CNTN6: variants seen among roughly 807,000 people sequenced by gnomAD.
The protein encoded by CNTN6 is contactin-6.
CNTN6 carries 137 observed loss-of-function variants against 122.8 expected under a neutral mutation model. The observed-to-expected ratio is 1.12, with a 90% CI of 0.97 to 1.29. The LOEUF (loss-of-function observed/expected upper bound fraction) is 1.29, where lower values mean the gene tolerates loss of function less well. Ranked by LOEUF, CNTN6 falls within the 50% of genes most tolerant of loss-of-function variation. The pLI is 0.00. For missense variants in CNTN6, 1,634 were observed against 1,223.4 expected (o/e 1.34, Z -5.01); for synonymous variants, 570 against 426.0 (o/e 1.34, Z -4.16).
chr3:1,099,429 T>A (rs536357393), intron 1 of CNTN6, among the ~76,000 whole-genome samples: 92 of 152,278 alleles, frequency 6.0e-4, no homozygotes, highest in African/African-American at 1.9e-3. Context: ...CCAGCCTGGG[T>A]GACAGAGCCA....
chr3:1,103,617 G>A (rs9826295), intron 1 of CNTN6, among the ~76,000 whole-genome samples: 19,074 of 152,148 alleles, frequency 0.13, 4,016 homozygotes, highest in African/African-American at 0.44. Flanking sequence ...GAGTTTAAAG[G>A]AAAATAATCT....
intron 2 of CNTN6, among the ~76,000 whole-genome samples, chr3:1,158,782 G>GTGTA (rs1553610504): frequency 2.2e-5 from 1 of 46,432 alleles, no homozygotes; most frequent in East Asian, 6.7e-4. Context: ...ATATATGTGT[G>GTGTA]TATATATGTG....
At chr3:1,376,900 T>C in intron 16 of CNTN6, 105 bp from the exon 17 acceptor site, 1 of 713,644 alleles carries the variant, frequency 1.4e-6, no homozygotes, top group South Asian at 1.8e-5. Flanking sequence ...TCTCTCACAG[T>C]ATGCCTGTGT....
At position 1,403,499 on chromosome 3, in the gene CNTN6, G is replaced by A; in HGVS notation, c.*81G>A. 1 of 804,340 alleles carries A rather than the reference G, an allele frequency of 1.2e-6. No homozygotes were observed. The highest frequency in any genetic ancestry group is 2.6e-5 in the East Asian group (1 of 38,430). 49.8% of individuals were successfully genotyped at this position (804,340 alleles called of 1,614,324 possible). On this transcript the variant is annotated 3_prime_UTR_variant, in exon 23 of 23. Coordinates refer to ENST00000446702, the MANE Select transcript of CNTN6 (RefSeq NM_001289080.2). Reference sequence around the variant, plus strand: ...TGCTCTCCAGCCTCTGACACAAGATGCGTTCTTAATACAGACTTGTTTGCA... The same window carrying A: ...TGCTCTCCAGCCTCTGACACAAGATACGTTCTTAATACAGACTTGTTTGCA...
chr3:1,372,888 A>T lies in CNTN6; in HGVS notation c.1719A>T (p.Gly573=). ...MIRNIQLHHS[G]KYLCTVQTTL... ...GGAATATTCAGTTACATCATTCAGG[A>T]AAATATCTCTGCACAGTACAAACAA... Residue 573 remains glycine (G), a synonymous_variant, in exon 14 of 23, where the codon GGA becomes GGT. Coordinates refer to ENST00000446702, the MANE Select transcript of CNTN6 (RefSeq NM_001289080.2). 6.2e-7 allele frequency: 1 copy of T among 1,610,662 alleles called. No homozygotes were observed. The highest frequency in any genetic ancestry group is 1.7e-4 in the Middle Eastern group (1 of 6,052).
chr3:1,310,203 C>T (rs1242108357), intron 7 of CNTN6, among the ~76,000 whole-genome samples: 1 of 151,998 alleles, frequency 6.6e-6, no homozygotes, highest in Non-Finnish European at 1.5e-5. Context: ...TTCCGCTATC[C>T]AAAATGAAAG....
intron 4 of CNTN6, among the ~76,000 whole-genome samples, chr3:1,237,988 G>A (rs1191260287): frequency 1.8e-4 from 26 of 147,746 alleles, no homozygotes; most frequent in African/African-American, 6.2e-4. Flanking sequence ...ATAACACAAT[G>A]TTTAAAAAAA....
At chr3:1,397,834 T>C (rs187482359) in intron 20 of CNTN6, among the ~76,000 whole-genome samples, 3 of 152,292 alleles carry the variant, frequency 2.0e-5, no homozygotes, top group African/African-American at 7.2e-5. Context: ...CTTGCACTTA[T>C]GTTCTTTCTC....
intron 4 of CNTN6, 142 bp downstream of exon 4, chr3:1,228,135 T>C (rs892266288): frequency 1.4e-6 from 1 of 704,448 alleles, no homozygotes; most frequent in East Asian, 2.7e-5. Flanking sequence ...GTTCATTTTG[T>C]GAATCTAGAT....
At chr3:1,266,743 T>C (rs974398743) in intron 4 of CNTN6, among the ~76,000 whole-genome samples, 6 of 152,116 alleles carry the variant, frequency 3.9e-5, no homozygotes, top group African/African-American at 1.4e-4. Flanking sequence ...GAAATCACTC[T>C]CCTTTACTCT....
rs138691345 is a variant in CNTN6, at chr3:1,337,953, C to T, written c.1364+8018C>T. ...ACTGATCTGGGGCACTCACCTTTCA[C>T]ACAGTGCCTGCAGAACCACCCAGAT... On this transcript the variant is annotated intron_variant, in intron 11 of 22. Coordinates refer to ENST00000446702, the MANE Select transcript of CNTN6 (RefSeq NM_001289080.2). 8.2e-4 allele frequency among the ~76,000 whole-genome samples: 125 copies of T among 152,204 alleles called. 1 individual carries two copies. The highest frequency in any genetic ancestry group is 2.8e-3 in the African/African-American group (117 of 41,536).
At chr3:1,227,677 A>T in intron 3 of CNTN6, 141 bp from the exon 4 acceptor site, 1 of 847,290 alleles carries the variant, frequency 1.2e-6, no homozygotes, top group Non-Finnish European at 1.8e-6. Context: ...TACCTTTGGT[A>T]AAACTGGTAG....
intron 2 of CNTN6, among the ~76,000 whole-genome samples, chr3:1,210,544 C>T (rs1221684575): frequency 1.3e-5 from 2 of 152,058 alleles, no homozygotes. Flanking sequence ...AAGGTAGAAG[C>T]TTGGTAATAG....
intron 1 of CNTN6, among the ~76,000 whole-genome samples, chr3:1,138,482 CTTTA>C (rs977099223): frequency 1.3e-5 from 2 of 151,912 alleles, no homozygotes; most frequent in African/African-American, 2.4e-5. Flanking sequence ...TAAATACCAT[CTTTA>C]TTTATTTACT....
intron 20 of CNTN6, among the ~76,000 whole-genome samples, chr3:1,387,594 C>T (rs1203457556): frequency 6.6e-6 from 1 of 152,152 alleles, no homozygotes; most frequent in Non-Finnish European, 1.5e-5. Context: ...ATAGGAACAG[C>T]TCCGGTCTAC....
At chr3:1,244,407 T>A (rs1390973691) in intron 4 of CNTN6, among the ~76,000 whole-genome samples, 2 of 130,710 alleles carry the variant, frequency 1.5e-5, no homozygotes, top group Admixed American at 1.5e-4. Context: ...AAAGCGGGAC[T>A]TGCCGCTGAG....
At chr3:1,148,857 A>G (rs1462967787) in intron 2 of CNTN6, among the ~76,000 whole-genome samples, 1 of 152,138 alleles carries the variant, frequency 6.6e-6, no homozygotes, top group South Asian at 2.1e-4. Flanking sequence ...AACTGAGACA[A>G]CTGTGCTGCC....
At chr3:1,198,087 G>A (rs2093804708) in intron 2 of CNTN6, among the ~76,000 whole-genome samples, 1 of 152,120 alleles carries the variant, frequency 6.6e-6, no homozygotes, top group Non-Finnish European at 1.5e-5. Context: ...AGATGCTGGA[G>A]GGCAGAAAAT....
At chr3:1,358,389 A>G (rs1424268875) in intron 12 of CNTN6, among the ~76,000 whole-genome samples, 1 of 151,838 alleles carries the variant, frequency 6.6e-6, no homozygotes, top group Non-Finnish European at 1.5e-5. Flanking sequence ...AAAAGAAGCA[A>G]TTAGGCTACT....
Sources: allele counts gnomAD v4.1 joint callset (sites outside exome capture counted in the v4.1 genomes callset), GRCh38; gene constraint gnomAD v4.1.1; transcripts MANE v1.5; gene names NCBI Gene and HGNC (gene_info 2026-07-23, HGNC 2026-07-21).